Variants in PXN observed in about 807,000 individuals in gnomAD.
PXN encodes the protein testicular tissue protein Li 134.
Under a neutral mutation model 103.6 loss-of-function variants are expected in PXN, and 61 were observed. That is an observed-to-expected ratio of 0.59 (90% confidence interval 0.48 to 0.73). The LOEUF (loss-of-function observed/expected upper bound fraction) is 0.73. Ranked by LOEUF, PXN falls within the 30% of genes least tolerant of loss-of-function variation. The pLI is 0.00. For missense variants in PXN, 1,274 were observed against 1,460.3 expected (o/e 0.87, Z 2.08); for synonymous variants, 562 against 607.8 (o/e 0.92, Z 1.11).
chr12:120,217,050 G>A lies in PXN; in HGVS notation c.1783C>T (p.Pro595Ser). The change falls in exon 8 of 15, where the codon CCT (proline) becomes TCT (serine). Residue 595 changes from proline to serine, a missense_variant. Physicochemically the swap from Pro to Ser is moderately conservative, Grantham distance 74. Coordinates refer to ENST00000637617, the MANE Select transcript of PXN (RefSeq NM_001385981.1). The surrounding 1 kb of genome is among the most constrained non-coding windows in gnomAD (Gnocchi z 4.1). ...HAHPMSREPS[P>S]RRRLDPATLS... ...GTGGCAGGGTCCAGCCGGCGGCGAGGGGAGGGCTCCCGGGACATGGGGTGT... is the reference window on the plus strand; with the variant it reads ...GTGGCAGGGTCCAGCCGGCGGCGAGAGGAGGGCTCCCGGGACATGGGGTGT... 1 of 1,591,428 alleles carries A rather than the reference G, an allele frequency of 6.3e-7. No individual in the cohort carries two copies. The highest frequency in any genetic ancestry group is 8.5e-7 in the Non-Finnish European group (1 of 1,177,206).
chr12:120,253,541 G>A (rs546330583), intron 1 of PXN, among the ~76,000 whole-genome samples: 5 of 152,312 alleles, frequency 3.3e-5, no homozygotes, highest in African/African-American at 1.2e-4. Context: ...CAAGGTGCAG[G>A]TTCTTGCATC....
chr12:120,259,298 A>C (rs1042892486), intron 1 of PXN, among the ~76,000 whole-genome samples: 1 of 152,068 alleles, frequency 6.6e-6, no homozygotes, highest in African/African-American at 2.4e-5. Flanking sequence ...AGGCTGAGAC[A>C]GGAGAATTGC....
chr12:120,216,030 C>T lies in PXN; in HGVS notation c.2301+243G>A. 2.3e-6 allele frequency: 3 copies of T among 1,328,150 alleles called. No homozygotes were observed. Among genetic ancestry groups the T allele is most frequent in the Non-Finnish European group, 9.6e-7 (1 of 1,040,726 alleles). The allele number at this position is 1,328,150 out of a possible 1,614,324, so 82.3% of individuals were successfully genotyped here. ...TGGGAGCCCGGGGCAGTACTGAGGA[C>T]CAGTCGAGGAAGGAGCAGACATGGG... On this transcript the variant is annotated intron_variant, in intron 9 of 14. Coordinates refer to ENST00000637617, the MANE Select transcript of PXN (RefSeq NM_001385981.1). This position sits in a 1 kb window ranked among gnomAD's most constrained non-coding sequence, Gnocchi z 5.1.
In PXN at chr12:120,229,409, G is replaced by A. The variant is rs78488747; in HGVS notation, c.14-5032C>T. Among the ~76,000 whole-genome samples the A allele has an allele frequency of 2.6e-5, 4 of 152,110 alleles. No homozygotes were observed. The highest frequency in any genetic ancestry group is 5.9e-5 in the Non-Finnish European group (4 of 68,028). On this transcript the variant is annotated intron_variant, in intron 1 of 14. Coordinates refer to ENST00000637617, the MANE Select transcript of PXN (RefSeq NM_001385981.1). This position sits in a 1 kb window ranked among gnomAD's most constrained non-coding sequence, Gnocchi z 4.0. ...AGAGGAGATAAAAGTCCATCTCTCT[G>A]AGGGGGTGGGAGGACCCAGAGCGAT...
Position 120,229,504 on chromosome 12 carries a change from G to C in PXN, c.14-5127C>G, listed in dbSNP as rs1887594674. 1.3e-5 allele frequency among the ~76,000 whole-genome samples: 2 copies of C among 152,154 alleles called. No homozygotes were observed. The highest frequency in any genetic ancestry group is 4.1e-4 in the South Asian group (2 of 4,836). On this transcript the variant is annotated intron_variant, in intron 1 of 14. Transcript: ENST00000637617. This position sits in a 1 kb window ranked among gnomAD's most constrained non-coding sequence, Gnocchi z 4.0. ...TTGTACGGTGAATCCTCAGTCACCT[G>C]GGCTCTGCTCAATGGCTGAACTGCT...
At chr12:120,259,446 T>TC (rs1222603890) in intron 1 of PXN, among the ~76,000 whole-genome samples, 2 of 152,194 alleles carry the variant, frequency 1.3e-5, no homozygotes. Context: ...GACACTTCAC[T>TC]CCTAAATACT....
intron 1 of PXN, among the ~76,000 whole-genome samples, chr12:120,231,398 C>G (rs1888017223): frequency 6.6e-6 from 1 of 152,182 alleles, no homozygotes; most frequent in African/African-American, 2.4e-5. Flanking sequence ...ATAGCCATGC[C>G]TGGAGGTTAC....
rs777230189 is a variant in PXN at position 120,215,059 on chromosome 12, G to T, written c.2574+44C>A. On this transcript the variant is annotated intron_variant, in intron 11 of 14. Coordinates refer to ENST00000637617, the MANE Select transcript of PXN (RefSeq NM_001385981.1). This position sits in a 1 kb window ranked among gnomAD's most constrained non-coding sequence, Gnocchi z 4.9. ...CCAGCCCCGGAGCACCCCCACCCCT[G>T]CAGGAGTCCACTGGCCACACCCCTG... The T allele has an allele frequency of 9.4e-6, 15 of 1,600,276 alleles. No individual in the cohort carries two copies. The highest frequency in any genetic ancestry group is 1.3e-5 in the Non-Finnish European group (15 of 1,173,174).
At chr12:120,263,427 C>G (rs1397592948) in intron 1 of PXN, among the ~76,000 whole-genome samples, 1 of 152,140 alleles carries the variant, frequency 6.6e-6, no homozygotes, top group Non-Finnish European at 1.5e-5. Flanking sequence ...CAGGTGATCG[C>G]CATCACCCAG....
chr12:120,251,634 T>A (rs1048583178), intron 1 of PXN, among the ~76,000 whole-genome samples: 19 of 151,824 alleles, frequency 1.3e-4, no homozygotes, highest in Admixed American at 1.2e-3. Flanking sequence ...CTGGCCAACA[T>A]GGTGAAACGC....
At chr12:120,223,125 G>A in intron 3 of PXN, 126 bp from the exon 4 acceptor site, 1 of 1,491,666 alleles carries the variant, frequency 6.7e-7, no homozygotes, top group Non-Finnish European at 9.1e-7. Context: ...CAAGAGGACA[G>A]AGGGTAGGGA....
intron 1 of PXN, among the ~76,000 whole-genome samples, chr12:120,234,988 G>C (rs1888754301): frequency 6.6e-6 from 1 of 152,146 alleles, no homozygotes; most frequent in African/African-American, 2.4e-5. Context: ...CTCACCCTTT[G>C]TGTCTCGGGT....
rs1038985765 is a variant in PXN, at chr12:120,213,802, C to T, written c.2979+40G>A. ...AGGAAGACCCCTCTCTCCCCACTGC[C>T]TGCTCCTCGCCCCTCCAGATGTGGT... On this transcript the variant is annotated intron_variant, in intron 14 of 14. Transcript: ENST00000637617. This position sits in a 1 kb window ranked among gnomAD's most constrained non-coding sequence, Gnocchi z 4.2. 32 of 1,589,602 alleles carry T rather than the reference C, an allele frequency of 2.0e-5. No homozygotes were observed. Among genetic ancestry groups the T allele is most frequent in the Non-Finnish European group, 2.7e-5 (31 of 1,168,282 alleles).
rs976491099 is a variant in PXN, at chr12:120,224,470, T to C, written c.14-93A>G. ...TCCCTGCCTGCACCTCAAGAGTTAA[T>C]GCCTTCTAGCACCTGCCCCACCCAT... On this transcript the variant is annotated intron_variant, in intron 1 of 14. Transcript: ENST00000637617. This position sits in a 1 kb window ranked among gnomAD's most constrained non-coding sequence, Gnocchi z 5.0. 1 of 922,980 alleles carries C rather than the reference T, an allele frequency of 1.1e-6. No individual in the cohort carries two copies. The highest frequency in any genetic ancestry group is 1.3e-5 in the South Asian group (1 of 77,296). The allele number at this position is 922,980 out of a possible 1,614,324, so 57.2% of individuals were successfully genotyped here. A position where few individuals can be genotyped will look rare whatever the true frequency, so the allele number is the denominator to read the frequency against.
intron 1 of PXN, chr12:120,248,617 C>T (rs1174393160): frequency 6.6e-6 from 1 of 152,226 alleles, no homozygotes; most frequent in East Asian, 1.9e-4. Context: ...GGAATCAGAA[C>T]AGAGTCTACA....
Position 120,214,107 on chromosome 12 carries a change from G to A in PXN, c.2830+29C>T. 3 of 1,555,704 alleles carry A rather than the reference G, an allele frequency of 1.9e-6. No individual in the cohort carries two copies. Among genetic ancestry groups the A allele is most frequent in the Non-Finnish European group, 2.6e-6 (3 of 1,149,734 alleles). On this transcript the variant is annotated intron_variant, in intron 13 of 14. Coordinates refer to ENST00000637617, the MANE Select transcript of PXN (RefSeq NM_001385981.1). This position sits in a 1 kb window ranked among gnomAD's most constrained non-coding sequence, Gnocchi z 5.0. ...ACCTCCCCGGCCCTCCTAAGAGGCG[G>A]TGGGTCAGTCCGCCGGTCCAGCCCG...
rs890597931 is a variant in PXN at position 120,224,992 on chromosome 12, C to G, written c.14-615G>C. 8.9e-6 allele frequency: 3 copies of G among 336,852 alleles called. No individual in the cohort carries two copies. Among genetic ancestry groups the G allele is most frequent in the Non-Finnish European group, 1.8e-5 (3 of 168,366 alleles). The allele number at this position is 336,852 out of a possible 1,614,324, so 20.9% of individuals were successfully genotyped here. A position where few individuals can be genotyped will look rare whatever the true frequency, so the allele number is the denominator to read the frequency against. ...GAGGCTGGTGCAGCGGTCCCCACCC[C>G]CTCAGTGAGCAGGGGGCAAGACTGC... On this transcript the variant is annotated intron_variant, in intron 1 of 14. Coordinates refer to ENST00000637617, the MANE Select transcript of PXN (RefSeq NM_001385981.1). The surrounding 1 kb of genome is among the most constrained non-coding windows in gnomAD (Gnocchi z 5.0).
rs1270768237 is a variant in PXN at position 120,220,692 on chromosome 12, A to G, written c.832-601T>C. Among the ~76,000 whole-genome samples the G allele has an allele frequency of 6.6e-6, 1 of 152,200 alleles. No individual in the cohort carries two copies. The highest frequency in any genetic ancestry group is 1.5e-5 in the Non-Finnish European group (1 of 68,038). On this transcript the variant is annotated intron_variant, in intron 6 of 14. Transcript: ENST00000637617. This position sits in a 1 kb window ranked among gnomAD's most constrained non-coding sequence, Gnocchi z 6.1. ...TACTTGCTTCTGACCATGGCTGCTC[A>G]GAACCACTGGCCTGGAGCTGGAACT...
chr12:120,215,216 C>A lies in PXN; in HGVS notation c.2461G>T (p.Gly821Trp). The A allele has an allele frequency of 6.3e-7, 1 of 1,595,348 alleles. No homozygotes were observed. The highest frequency in any genetic ancestry group is 1.3e-5 in the African/African-American group (1 of 74,596). The stretch of plus-strand genomic sequence containing the variant: ...CCCAGCATGCTGTCCAGCTGGCTCC[C>A]GGGCTTCGGGGGCCCCCCAGGGGGT... ...SSPPGGPPKP[G>W]SQLDSMLGSL... The change falls in exon 11 of 15, where the codon GGG (glycine) becomes TGG (tryptophan). Residue 821 changes from glycine (G) to tryptophan (W), a missense_variant. This residue lies in a region of PXN where 1,178 missense variants were observed against 1,309.0 expected (regional missense o/e 0.90). Coordinates refer to ENST00000637617, the MANE Select transcript of PXN (RefSeq NM_001385981.1). This position sits in a 1 kb window ranked among gnomAD's most constrained non-coding sequence, Gnocchi z 4.9.
Sources: allele counts gnomAD v4.1 joint callset (sites outside exome capture counted in the v4.1 genomes callset), GRCh38; gene constraint gnomAD v4.1.1; regional missense constraint gnomAD v4.1.1; non-coding constraint Gnocchi (gnomAD v3.1); transcripts MANE v1.5; gene names NCBI Gene and HGNC (gene_info 2026-07-23, HGNC 2026-07-21).